The following ACTR3B variants were observed in gnomAD, a reference collection of about 807,000 sequenced individuals.
ACTR3B encodes the protein actin-related protein 3B.
A neutral mutation model predicts 59.0 loss-of-function variants in ACTR3B; 8 were observed. That is an observed-to-expected ratio of 0.14 (90% CI 0.08 to 0.24). The LOEUF is 0.24. Ranked by LOEUF, ACTR3B falls within the 10% of genes least tolerant of loss-of-function variation. The pLI, the probability that ACTR3B is intolerant of heterozygous loss-of-function variation, is 1.00. For synonymous variants in ACTR3B, 148 were observed against 197.9 expected, an observed-to-expected ratio of 0.75 and a Z score of 2.12; for missense variants, 245 against 552.3, an observed-to-expected ratio of 0.44 and a Z score of 5.58.
chr7:152,766,017 A>T (rs921367728), intron 1 of ACTR3B, among the ~76,000 whole-genome samples: 1 of 151,928 alleles, frequency 6.6e-6, no homozygotes, highest in Non-Finnish European at 1.5e-5. Flanking sequence ...TCATTTCTCT[A>T]ACTTTTCTCT....
In ACTR3B at chr7:152,852,253, T is replaced by C. The variant is rs1052562824; in HGVS notation, c.1077+2T>C. On this transcript the variant is annotated splice_donor_variant, in intron 10 of 11. Transcript: ENST00000256001. LOFTEE classifies it high-confidence loss of function. ...GAGCTCAGCGGCGGGAGGATCAAGG[T>C]AGGAGCCAGAGGCCTCCACGCAGTG... The C allele has an allele frequency of 1.2e-6, 2 of 1,611,524 alleles. No individual in the cohort carries two copies. Among genetic ancestry groups the C allele is most frequent in the Non-Finnish European group, 1.7e-6 (2 of 1,179,480 alleles).
intron 9 of ACTR3B, among the ~76,000 whole-genome samples, chr7:152,842,327 C>T (rs1797930598): frequency 6.6e-6 from 1 of 152,190 alleles, no homozygotes; most frequent in African/African-American, 2.4e-5. Flanking sequence ...GGGCAGGTGG[C>T]ATATACGGTG....
At chr7:152,805,761 A>G (rs1217815952) in intron 4 of ACTR3B, among the ~76,000 whole-genome samples, 1 of 152,162 alleles carries the variant, frequency 6.6e-6, no homozygotes, top group African/African-American at 2.4e-5. Flanking sequence ...TGGATTTGCT[A>G]AGTCACCTCC....
chr7:152,797,679 C>T (rs1341278498), intron 2 of ACTR3B, among the ~76,000 whole-genome samples: 3 of 152,090 alleles, frequency 2.0e-5, no homozygotes, highest in Non-Finnish European at 4.4e-5. Flanking sequence ...TCTCCTTGTC[C>T]TTCCCATCCC....
intron 9 of ACTR3B, among the ~76,000 whole-genome samples, chr7:152,847,642 C>T (rs1460410672): frequency 2.6e-5 from 4 of 152,080 alleles, no homozygotes; most frequent in African/African-American, 7.2e-5. Flanking sequence ...GAAGTCAGGG[C>T]GGCAGAAGAG....
intron 1 of ACTR3B, among the ~76,000 whole-genome samples, chr7:152,768,288 G>C (rs760239881): frequency 2.0e-5 from 3 of 152,162 alleles, no homozygotes; most frequent in Non-Finnish European, 2.9e-5. Flanking sequence ...TCCATTTTTA[G>C]GGACTCTTAA....
At chr7:152,796,403 AAATTTGGTCTCC>A (rs1054915450) in intron 2 of ACTR3B, among the ~76,000 whole-genome samples, 2 of 150,264 alleles carry the variant, frequency 1.3e-5, no homozygotes, top group African/African-American at 4.9e-5. Context: ...CGCCAGTCAC[AAATTTGGTCTCC>A]AATTTGGTAT....
chr7:152,787,759 A>G (rs1363726079), intron 2 of ACTR3B, among the ~76,000 whole-genome samples: 3 of 152,028 alleles, frequency 2.0e-5, no homozygotes, highest in African/African-American at 4.8e-5. Context: ...CGTACGTTCC[A>G]TACTCACAGT....
chr7:152,766,907 C>G (rs969165911), intron 1 of ACTR3B, among the ~76,000 whole-genome samples: 1 of 152,094 alleles, frequency 6.6e-6, no homozygotes, highest in African/African-American at 2.4e-5. Context: ...CTGCTGCAGC[C>G]TCCCGAGTAG....
chr7:152,780,137 G>T (rs1335641405), intron 1 of ACTR3B, among the ~76,000 whole-genome samples: 1 of 152,108 alleles, frequency 6.6e-6, no homozygotes, highest in Non-Finnish European at 1.5e-5. Flanking sequence ...CAGATCACAA[G>T]GTCAGGAGTT....
At chr7:152,845,056 G>A (rs1214287603) in intron 9 of ACTR3B, among the ~76,000 whole-genome samples, 1 of 148,820 alleles carries the variant, frequency 6.7e-6, no homozygotes, top group Non-Finnish European at 1.5e-5. Context: ...CCATGGCCAA[G>A]TGGGGTCCGT....
At chr7:152,847,991 C>G (rs1798493909) in intron 9 of ACTR3B, among the ~76,000 whole-genome samples, 1 of 152,230 alleles carries the variant, frequency 6.6e-6, no homozygotes, top group Admixed American at 6.5e-5. Context: ...GCTGAGCAGA[C>G]AGGGAGCACT....
At chr7:152,853,457 T>G in intron 10 of ACTR3B, 37 bp from the exon 11 acceptor site, 1 of 1,591,516 alleles carries the variant, frequency 6.3e-7, no homozygotes, top group Non-Finnish European at 8.6e-7. Context: ...CATGTGTCTG[T>G]GGGTGTGGGG....
chr7:152,776,695 A>G (rs2098136950), intron 1 of ACTR3B, among the ~76,000 whole-genome samples: 1 of 152,300 alleles, frequency 6.6e-6, no homozygotes, highest in African/African-American at 2.4e-5. Context: ...ACACTGAGGT[A>G]GGGATTATTA....
At chr7:152,800,714 A>T (rs1030777131) in intron 3 of ACTR3B, 59 bp downstream of exon 3, 2 of 1,562,600 alleles carry the variant, frequency 1.3e-6, no homozygotes, top group African/African-American at 2.7e-5. Flanking sequence ...GAGTAATGCA[A>T]AATGGTCATC....
At chr7:152,816,011 A>G (rs1431794700) in intron 5 of ACTR3B, among the ~76,000 whole-genome samples, 1 of 151,646 alleles carries the variant, frequency 6.6e-6, no homozygotes, top group Non-Finnish European at 1.5e-5. Context: ...CAGTGGTGCA[A>G]TTATGGCTCA....
At chr7:152,829,185 C>A (rs935660932) in intron 9 of ACTR3B, among the ~76,000 whole-genome samples, 1 of 152,146 alleles carries the variant, frequency 6.6e-6, no homozygotes, top group East Asian at 1.9e-4. Flanking sequence ...CATCCATCAC[C>A]TCACACAGCT....
At chr7:152,776,709 A>G (rs2098136978) in intron 1 of ACTR3B, among the ~76,000 whole-genome samples, 2 of 152,306 alleles carry the variant, frequency 1.3e-5, no homozygotes, top group Non-Finnish European at 2.9e-5. Flanking sequence ...ATTATTACCC[A>G]GGTTTTAGAG....
At chr7:152,771,329 GA>G (rs2098123430) in intron 1 of ACTR3B, among the ~76,000 whole-genome samples, 1 of 152,182 alleles carries the variant, frequency 6.6e-6, no homozygotes, top group Non-Finnish European at 1.5e-5. Flanking sequence ...AAAGAACAAA[GA>G]AGTAATTTTA....
Sources: allele counts gnomAD v4.1 joint callset (sites outside exome capture counted in the v4.1 genomes callset), GRCh38; gene constraint gnomAD v4.1.1; transcripts MANE v1.5; gene names NCBI Gene and HGNC (gene_info 2026-07-23, HGNC 2026-07-21).